The following GET3 variants were observed in gnomAD, a reference collection of about 807,000 sequenced individuals.
The protein encoded by GET3 is guided entry of tail-anchored proteins factor 3, ATPase, also known as ATPase GET3.
GET3 carries 15 observed loss-of-function variants against 32.4 expected under a neutral mutation model. That is an observed-to-expected ratio of 0.46 (90% CI 0.31 to 0.71). The LOEUF (loss-of-function observed/expected upper bound fraction) is 0.71, where lower values mean the gene tolerates loss of function less well. GET3 is among the 30% of genes least tolerant of loss of function. The pLI, the probability that GET3 is intolerant of heterozygous loss-of-function variation, is 0.05. For synonymous variants in GET3, 198 were observed against 185.6 expected (o/e 1.07, Z -0.54); for missense variants, 333 against 459.0 (o/e 0.73, Z 2.51).
Position 12,747,215 on chromosome 19 carries a change from C to T in GET3, c.628C>T (p.Leu210=), listed in dbSNP as rs1370282873. The change falls in exon 5 of 7, where the codon CTG becomes TTG. Residue 210 remains leucine (L), a synonymous_variant. Coordinates refer to ENST00000357332, the MANE Select transcript of GET3 (RefSeq NM_004317.4). This position sits in a 1 kb window ranked among gnomAD's most constrained non-coding sequence, Gnocchi z 4.0. ...FISQMCNMLG[L]GDMNADQLAS... The stretch of plus-strand genomic sequence containing the variant: ...CCTGCAGATGTGCAACATGCTGGGC[C>T]TGGGGGACATGAACGCAGACCAGCT... 13 of 1,608,792 alleles carry T rather than the reference C, an allele frequency of 8.1e-6. No homozygotes were observed. Among genetic ancestry groups the T allele is most frequent in the Non-Finnish European group, 1.1e-5 (13 of 1,177,452 alleles).
Position 12,745,105 on chromosome 19 carries a change from G to C in GET3, c.310-272G>C, listed in dbSNP as rs1157731878. Among the ~76,000 whole-genome samples the C allele has an allele frequency of 6.6e-6, 1 of 152,056 alleles. No individual in the cohort carries two copies. The highest frequency in any genetic ancestry group is 1.5e-5 in the Non-Finnish European group (1 of 68,002). On this transcript the variant is annotated intron_variant, in intron 2 of 6. Transcript: ENST00000357332. This position sits in a 1 kb window ranked among gnomAD's most constrained non-coding sequence, Gnocchi z 5.0. ...CAAGTGGGGAGTAGCAGTGTAAATG[G>C]CCCGCAGTGGGTTTCAGCTTCCCTT...
intron 2 of GET3, among the ~76,000 whole-genome samples, chr19:12,744,393 C>T (rs1198308002): frequency 2.0e-5 from 3 of 151,826 alleles, no homozygotes; most frequent in Non-Finnish European, 4.4e-5. Flanking sequence ...GATCTCGGCT[C>T]ACTGTAACCT....
intron 2 of GET3, among the ~76,000 whole-genome samples, chr19:12,744,094 T>C (rs895646660): frequency 1.4e-5 from 2 of 144,354 alleles, no homozygotes; most frequent in African/African-American, 5.2e-5. Context: ...GGCATGCCTA[T>C]AGTCTCAGCT....
chr19:12,748,323 C>A lies in GET3; in HGVS notation c.*219C>A. 2.2e-6 allele frequency: 1 copy of A among 452,186 alleles called. No homozygotes were observed. Among genetic ancestry groups the A allele is most frequent in the Non-Finnish European group, 4.0e-6 (1 of 252,068 alleles). The allele number at this position is 452,186 out of a possible 1,614,324, so 28.0% of individuals were successfully genotyped here. A position where few individuals can be genotyped will look rare whatever the true frequency, so the allele number is the denominator to read the frequency against. On this transcript the variant is annotated 3_prime_UTR_variant, in exon 7 of 7. Coordinates refer to ENST00000357332, the MANE Select transcript of GET3 (RefSeq NM_004317.4). The stretch of plus-strand genomic sequence containing the variant: ...TCTTCAATAAAATGATCTTAAACTG[C>A]TGTATTGTTGACATTGGGAGGTGAG...
upstream of GET3, chr19:12,737,439 A>C (rs978129280): frequency 7.2e-7 from 1 of 1,394,910 alleles, no homozygotes; most frequent in Non-Finnish European, 9.3e-7. Flanking sequence ...TAGGAATGTG[A>C]TAGAGAATTT....
chr19:12,745,289 G>T lies in GET3; in HGVS notation c.310-88G>T. 6.6e-7 allele frequency: 1 copy of T among 1,515,796 alleles called. No homozygotes were observed. Among genetic ancestry groups the T allele is most frequent in the South Asian group, 1.2e-5 (1 of 82,252 alleles). 93.9% of individuals were successfully genotyped at this position (1,515,796 alleles called of 1,614,324 possible). On this transcript the variant is annotated intron_variant, in intron 2 of 6. Coordinates refer to ENST00000357332, the MANE Select transcript of GET3 (RefSeq NM_004317.4). This position sits in a 1 kb window ranked among gnomAD's most constrained non-coding sequence, Gnocchi z 5.0. The stretch of plus-strand genomic sequence containing the variant: ...AGGCTCCCTCTGGCCCTGTGCCCGG[G>T]TAGGAAGGCTCCCCCTGGCCCTGTG...
Position 12,747,418 on chromosome 19 carries a change from A to T in GET3, c.741A>T (p.Val247=). 6.2e-7 allele frequency: 1 copy of T among 1,613,986 alleles called. No homozygotes were observed. Among genetic ancestry groups the T allele is most frequent in the Middle Eastern group, 1.6e-4 (1 of 6,062 alleles). The part of the protein sequence containing the change: ...KDPEQTTFIC[V]CIAEFLSLYE... ...AGGAGCAGACAACTTTCATCTGCGT[A>T]TGCATTGCTGAGTTCCTGTCCCTGT... Residue 247 remains valine (V), a synonymous_variant, in exon 6 of 7, where the codon GTA becomes GTT. Coordinates refer to ENST00000357332, the MANE Select transcript of GET3 (RefSeq NM_004317.4). The surrounding 1 kb of genome is among the most constrained non-coding windows in gnomAD (Gnocchi z 4.0).
At position 12,745,265 on chromosome 19, in the gene GET3, G is replaced by T; in HGVS notation, c.310-112G>T. On this transcript the variant is annotated intron_variant, in intron 2 of 6. Transcript: ENST00000357332. The surrounding 1 kb of genome is among the most constrained non-coding windows in gnomAD (Gnocchi z 5.0). ...ATGCCTGTGGTCACAGCCCACCACA[G>T]GCTCCCTCTGGCCCTGTGCCCGGGT... 7.6e-7 allele frequency: 1 copy of T among 1,308,540 alleles called. No homozygotes were observed. The highest frequency in any genetic ancestry group is 1.1e-6 in the Non-Finnish European group (1 of 950,854). The allele number at this position is 1,308,540 out of a possible 1,614,324, so 81.1% of individuals were successfully genotyped here.
At position 12,745,633 on chromosome 19, in the gene GET3, G is replaced by A. The variant is rs755651499; in HGVS notation, c.483G>A (p.Ser161=). The A allele has an allele frequency of 1.2e-5, 19 of 1,612,572 alleles. No homozygotes were observed. In the East Asian group the frequency reaches 1.8e-4, roughly 15 times the overall value. Residue 161 remains serine, a synonymous_variant, in exon 4 of 7, where the codon TCG becomes TCA. Transcript: ENST00000357332. This position sits in a 1 kb window ranked among gnomAD's most constrained non-coding sequence, Gnocchi z 5.0. ...GGCTGGTGAAGGGCATGAACTTCTCGGTGGTGGTATTTGACACGGCACCCA... is the reference window on the plus strand; with the variant it reads ...GGCTGGTGAAGGGCATGAACTTCTCAGTGGTGGTATTTGACACGGCACCCA... ...VMRLVKGMNF[S]VVVFDTAPTG...
At chr19:12,740,254 G>A (rs1193206549) in intron 2 of GET3, among the ~76,000 whole-genome samples, 4 of 151,970 alleles carry the variant, frequency 2.6e-5, no homozygotes, top group Non-Finnish European at 5.9e-5. Flanking sequence ...GGTGGCAGGC[G>A]CCTTTAGTCC....
chr19:12,742,726 T>C (rs1341280032), intron 2 of GET3, among the ~76,000 whole-genome samples: 1 of 152,114 alleles, frequency 6.6e-6, no homozygotes, highest in Non-Finnish European at 1.5e-5. Flanking sequence ...TATTTTTTTT[T>C]AGTAGAGACG....
At chr19:12,737,342 C>T, upstream of GET3, 3 of 1,052,544 alleles carry the variant, frequency 2.9e-6, no homozygotes, top group Non-Finnish European at 3.9e-6. Flanking sequence ...CAAAGTGAAC[C>T]CTGGAAGCAA....
At chr19:12,738,486 A>G (rs1168162852) in intron 1 of GET3, 25 bp from the exon 2 acceptor site, 12 of 1,613,108 alleles carry the variant, frequency 7.4e-6, no homozygotes, top group African/African-American at 1.3e-5. Flanking sequence ...CTCATCCCCT[A>G]TCTTTTGACT....
intron 2 of GET3, among the ~76,000 whole-genome samples, chr19:12,739,017 G>A (rs1229537758): frequency 6.6e-6 from 1 of 152,206 alleles, no homozygotes; most frequent in African/African-American, 2.4e-5. Flanking sequence ...TGTTTGAAAA[G>A]TACCCTTTGA....
intron 2 of GET3, among the ~76,000 whole-genome samples, chr19:12,740,993 T>A (rs1278503038): frequency 6.6e-6 from 1 of 152,214 alleles, no homozygotes; most frequent in Non-Finnish European, 1.5e-5. Flanking sequence ...CAGAATTGTC[T>A]GGATCATCAA....
chr19:12,745,394 G>A lies in GET3; in HGVS notation c.327G>A (p.Leu109=). The A allele has an allele frequency of 6.2e-7, 1 of 1,611,160 alleles. No individual in the cohort carries two copies. The highest frequency in any genetic ancestry group is 8.5e-7 in the Non-Finnish European group (1 of 1,179,980). ...NLFAMEIDPS[L]GVAELPDEFF... ...GCCCCCAGGAGATTGACCCCAGCCT[G>A]GGCGTGGCGGAGCTGCCTGACGAGT... The change falls in exon 3 of 7, where the codon CTG becomes CTA. Residue 109 remains leucine (L), a synonymous_variant. Transcript: ENST00000357332. The surrounding 1 kb of genome is among the most constrained non-coding windows in gnomAD (Gnocchi z 5.0).
rs1967796183 is a variant in GET3, at chr19:12,747,535, G to A, written c.858G>A (p.Glu286=). The A allele has an allele frequency of 6.2e-7, 1 of 1,613,956 alleles. No individual in the cohort carries two copies. Among genetic ancestry groups the A allele is most frequent in the Non-Finnish European group, 8.5e-7 (1 of 1,179,986 alleles). ...ACCAGCTCGTCTTCCCCGACCCCGA[G>A]AAGCCCTGCAAGATGTGTGAGGCCC... The part of the protein sequence containing the change: ...IVNQLVFPDP[E]KPCKMCEARH... The change falls in exon 6 of 7, where the codon GAG becomes GAA. Residue 286 remains glutamate (E), a synonymous_variant. Transcript: ENST00000357332. The surrounding 1 kb of genome is among the most constrained non-coding windows in gnomAD (Gnocchi z 4.0).
intron 1 of GET3, 105 bp from the exon 2 acceptor site, chr19:12,738,406 G>A: frequency 6.9e-7 from 1 of 1,442,294 alleles, no homozygotes; most frequent in Admixed American, 1.9e-5. Context: ...CAAGGCCCCT[G>A]CTGATTCGGG....
rs1445738305 is a variant in GET3 at position 12,745,906 on chromosome 19, G to A, written c.609+147G>A. Reference sequence around the variant, plus strand: ...GACTTCTCCCTGGAGGGGATGGGACGGAGCTGTCTTTCCTCCCCCACAGGC... The same window carrying A: ...GACTTCTCCCTGGAGGGGATGGGACAGAGCTGTCTTTCCTCCCCCACAGGC... On this transcript the variant is annotated intron_variant, in intron 4 of 6. Coordinates refer to ENST00000357332, the MANE Select transcript of GET3 (RefSeq NM_004317.4). This position sits in a 1 kb window ranked among gnomAD's most constrained non-coding sequence, Gnocchi z 5.0. 12 of 1,187,928 alleles carry A rather than the reference G, an allele frequency of 1.0e-5. No homozygotes were observed. Among genetic ancestry groups the A allele is most frequent in the South Asian group, 9.5e-5 (6 of 63,054 alleles). The allele number at this position is 1,187,928 out of a possible 1,614,324, so 73.6% of individuals were successfully genotyped here.
Sources: allele counts gnomAD v4.1 joint callset (sites outside exome capture counted in the v4.1 genomes callset), GRCh38; gene constraint gnomAD v4.1.1; non-coding constraint Gnocchi (gnomAD v3.1); transcripts MANE v1.5; gene names NCBI Gene and HGNC (gene_info 2026-07-23, HGNC 2026-07-21).